Variants in TNRC6A observed in about 807,000 individuals in gnomAD.
TNRC6A encodes trinucleotide repeat-containing gene 6A protein.
Under a neutral mutation model 221.2 loss-of-function variants are expected in TNRC6A, and 44 were observed. The ratio of observed to expected loss-of-function variants is 0.20; its 90% CI spans 0.16 to 0.26. The LOEUF (loss-of-function observed/expected upper bound fraction) is 0.26, where lower values mean the gene tolerates loss of function less well. TNRC6A is among the 10% of genes least tolerant of loss of function. The probability of loss-of-function intolerance (pLI) is 1.00; values close to 1 mark genes in which losing one functional copy is unlikely to be tolerated. For synonymous variants in TNRC6A, 847 were observed against 838.5 expected (o/e 1.01, Z -0.18); for missense variants, 2,199 against 2,404.4 (o/e 0.91, Z 1.79).
chr16:24,798,188 C>T, intron 11 of TNRC6A: 1 of 362,638 alleles, frequency 2.8e-6, no homozygotes, highest in Non-Finnish European at 5.0e-6. Flanking sequence ...CATAATCCTG[C>T]CAAGAGGGAG....
At position 24,790,515 on chromosome 16, in the gene TNRC6A, C is replaced by T. The variant is rs776342904; in HGVS notation, c.1873C>T (p.His625Tyr). The T allele has an allele frequency of 1.2e-6, 2 of 1,614,220 alleles. No homozygotes were observed. The highest frequency in any genetic ancestry group is 1.7e-6 in the Non-Finnish European group (2 of 1,180,048). The change falls in exon 6 of 25, where the codon CAT becomes TAT. Residue 625 changes from histidine (H) to tyrosine (Y), a missense_variant. Physicochemically the swap from His to Tyr is moderately conservative, Grantham distance 83 (BLOSUM62 2). Coordinates refer to ENST00000395799, the MANE Select transcript of TNRC6A (RefSeq NM_014494.4). Reference protein sequence around the residue: ...VEWNKLPSNQHSNDSANGNGK... With the variant: ...VEWNKLPSNQYSNDSANGNGK... ...GTGGAACAAACTGCCTAGCAATCAG[C>T]ATTCCAATGATAGTGCAAATGGCAA...
chr16:24,769,547 T>C (rs2057546575), intron 4 of TNRC6A, among the ~76,000 whole-genome samples: 1 of 152,062 alleles, frequency 6.6e-6, no homozygotes, highest in South Asian at 2.1e-4. Flanking sequence ...GTAACTCTTT[T>C]CCATTAAAAT....
intron 1 of TNRC6A, among the ~76,000 whole-genome samples, chr16:24,625,740 A>AAC (rs1900947330): frequency 3.7e-5 from 2 of 54,726 alleles, no homozygotes; most frequent in African/African-American, 1.0e-4. Flanking sequence ...CTCAAAACAA[A>AAC]AAAAAAAAAA....
intron 2 of TNRC6A, among the ~76,000 whole-genome samples, chr16:24,737,198 C>G (rs2056789136): frequency 1.3e-5 from 2 of 152,272 alleles, no homozygotes; most frequent in East Asian, 1.9e-4. Context: ...CAGATATGGT[C>G]TTTAGTGCTC....
Position 24,790,095 on chromosome 16 carries a change from G to C in TNRC6A, c.1453G>C (p.Val485Leu), listed in dbSNP as rs773724498. 1.2e-6 allele frequency: 2 copies of C among 1,614,086 alleles called. No individual in the cohort carries two copies. Residue 485 changes from valine to leucine, a missense_variant, in exon 6 of 25, where the codon GTG becomes CTG. Physicochemically the swap from Val to Leu is conservative, Grantham distance 32. This residue lies in a region of TNRC6A where 1,405 missense variants were observed against 1,400.2 expected (regional missense o/e 1.00). Coordinates refer to ENST00000395799, the MANE Select transcript of TNRC6A (RefSeq NM_014494.4). ...TAGTAGTAACACAGGGGCCTGGCGT[G>C]TGAGCACAATGAATCATCCTCAGAT... ...LPSSNTGAWR[V>L]STMNHPQMQA...
rs748357076 is a variant in TNRC6A at position 24,809,304 on chromosome 16, A to T, written c.4541-46A>T. The stretch of plus-strand genomic sequence containing the variant: ...TAGAAGTTGTGCTACTAGAAAGAAA[A>T]TGTGCTGTATTTTCTAAGGTTTTGT... On this transcript the variant is annotated intron_variant, in intron 17 of 24. Transcript: ENST00000395799. 10 of 1,440,992 alleles carry T rather than the reference A, an allele frequency of 6.9e-6. 1 individual carries two copies. Among genetic ancestry groups the T allele is most frequent in the Non-Finnish European group, 9.2e-6 (10 of 1,084,566 alleles). 89.3% of individuals were successfully genotyped at this position (1,440,992 alleles called of 1,614,324 possible).
chr16:24,806,319 G>C, intron 16 of TNRC6A, 36 bp downstream of exon 16: 1 of 1,609,582 alleles, frequency 6.2e-7, no homozygotes, highest in Non-Finnish European at 8.5e-7. Context: ...TGCTGTCTTT[G>C]TGTTAATAAA....
intron 2 of TNRC6A, among the ~76,000 whole-genome samples, chr16:24,743,201 A>G (rs2056929059): frequency 6.6e-6 from 1 of 152,214 alleles, no homozygotes; most frequent in Admixed American, 6.5e-5. Flanking sequence ...TGTGAGTTCA[A>G]AATGGATAAT....
intron 2 of TNRC6A, among the ~76,000 whole-genome samples, chr16:24,730,644 A>G: frequency 6.7e-6 from 1 of 149,568 alleles, no homozygotes. Context: ...GGCGGCCCTT[A>G]TGGCGGGCTG....
chr16:24,815,271 G>C lies in TNRC6A; in HGVS notation c.4797G>C (p.Ser1599=), dbSNP rs773542201. The part of the protein sequence containing the change: ...SIGDGWPRAK[S]PNGSSSVNWP... ...GAGATGGCTGGCCACGTGCCAAATC[G>C]CCTAACGGCTCTAGCAGTGTTAATT... The change falls in exon 19 of 25, where the codon TCG becomes TCC. Residue 1599 remains serine (S), a synonymous_variant. Coordinates refer to ENST00000395799, the MANE Select transcript of TNRC6A (RefSeq NM_014494.4). 1 of 1,614,172 alleles carries C rather than the reference G, an allele frequency of 6.2e-7. No individual in the cohort carries two copies. The highest frequency in any genetic ancestry group is 8.5e-7 in the Non-Finnish European group (1 of 1,180,034).
intron 11 of TNRC6A, among the ~76,000 whole-genome samples, chr16:24,802,686 C>T (rs2058353240): frequency 2.0e-5 from 3 of 152,270 alleles, no homozygotes; most frequent in African/African-American, 7.2e-5. Flanking sequence ...TGCTGATACC[C>T]TGATAGTGAA....
chr16:24,664,854 G>A (rs2055122830), intron 2 of TNRC6A: 1 of 452,826 alleles, frequency 2.2e-6, no homozygotes, highest in Non-Finnish European at 4.4e-6. Context: ...GTAAATGAAG[G>A]TCGAGTTTTG....
At chr16:24,679,872 G>A (rs907421890) in intron 2 of TNRC6A, among the ~76,000 whole-genome samples, 2 of 152,104 alleles carry the variant, frequency 1.3e-5, no homozygotes, top group Non-Finnish European at 2.9e-5. Flanking sequence ...GCCTCCCAAA[G>A]TGCTGAGATT....
At chr16:24,693,616 T>A (rs1305293395) in intron 2 of TNRC6A, among the ~76,000 whole-genome samples, 1 of 151,096 alleles carries the variant, frequency 6.6e-6, no homozygotes, top group African/African-American at 2.4e-5. Context: ...AAATAAAAAA[T>A]TATCCAGGCA....
intron 2 of TNRC6A, among the ~76,000 whole-genome samples, chr16:24,680,483 G>T (rs1049872194): frequency 6.6e-6 from 1 of 151,740 alleles, no homozygotes; most frequent in Non-Finnish European, 1.5e-5. Context: ...AGTTTGGGAG[G>T]TCGAGGCAGG....
At chr16:24,786,453 G>T (rs2057971120) in intron 5 of TNRC6A, among the ~76,000 whole-genome samples, 1 of 151,926 alleles carries the variant, frequency 6.6e-6, no homozygotes, top group Admixed American at 6.6e-5. Flanking sequence ...CTCCCGAGTA[G>T]CTGGGACTGC....
At chr16:24,741,728 T>C (rs1280699083) in intron 2 of TNRC6A, among the ~76,000 whole-genome samples, 1 of 152,258 alleles carries the variant, frequency 6.6e-6, no homozygotes, top group Non-Finnish European at 1.5e-5. Flanking sequence ...TTCTACTGTA[T>C]GCACTTCCTC....
chr16:24,765,013 C>A (rs968168036), intron 4 of TNRC6A, among the ~76,000 whole-genome samples: 2 of 152,080 alleles, frequency 1.3e-5, no homozygotes, highest in East Asian at 1.9e-4. Context: ...ACTGTTCTCG[C>A]CTATTTTTGT....
At chr16:24,734,973 A>G (rs1249619292) in intron 2 of TNRC6A, among the ~76,000 whole-genome samples, 4 of 152,216 alleles carry the variant, frequency 2.6e-5, no homozygotes, top group African/African-American at 7.2e-5. Context: ...GCGTGGGACA[A>G]ATGCTATATT....
Sources: allele counts gnomAD v4.1 joint callset (sites outside exome capture counted in the v4.1 genomes callset), GRCh38; gene constraint gnomAD v4.1.1; regional missense constraint gnomAD v4.1.1; transcripts MANE v1.5; gene names NCBI Gene and HGNC (gene_info 2026-07-23, HGNC 2026-07-21).